The following EXOSC2 variants were observed in gnomAD, a reference collection of about 807,000 sequenced individuals.
EXOSC2 encodes the protein exosome component 2.
A neutral mutation model predicts 37.6 loss-of-function variants in EXOSC2; 29 were observed. The ratio of observed to expected loss-of-function variants is 0.77; its 90% CI spans 0.57 to 1.05. The LOEUF (loss-of-function observed/expected upper bound fraction) is 1.05. Among genes scored for constraint, EXOSC2 ranks in the 50% least tolerant of loss-of-function variants. The pLI is 0.00. For missense variants in EXOSC2, 346 were observed against 365.6 expected, an observed-to-expected ratio of 0.95 and a Z score of 0.44; for synonymous variants, 119 against 131.1, an observed-to-expected ratio of 0.91 and a Z score of 0.63.
Position 130,703,995 on chromosome 9 carries a change from T to C in EXOSC2, c.*221T>C, listed in dbSNP as rs909894688. The C allele has an allele frequency of 7.4e-6, 3 of 403,952 alleles. No homozygotes were observed. The East Asian group carries it at 1.2e-4, about 16-fold the overall frequency. The allele number at this position is 403,952 out of a possible 1,614,324, so 25.0% of individuals were successfully genotyped here. ...CCTTGGGTTGCCAGCTGAGTCCCGG[T>C]ATTAGGGAATAGTTTCAGCTCTTTC... On this transcript the variant is annotated 3_prime_UTR_variant, in exon 9 of 9. Coordinates refer to ENST00000372358, the MANE Select transcript of EXOSC2 (RefSeq NM_014285.7).
At position 130,698,291 on chromosome 9, in the gene EXOSC2, G is replaced by C; in HGVS notation, c.360+40G>C. 1 of 1,585,212 alleles carries C rather than the reference G, an allele frequency of 6.3e-7. No homozygotes were observed. Reference sequence around the variant, plus strand: ...TGGGGCCATGGACTAGGGCCCAGTGGGCTGGGGGGAGCCGTGGGACCCTTT... The same window carrying C: ...TGGGGCCATGGACTAGGGCCCAGTGCGCTGGGGGGAGCCGTGGGACCCTTT... On this transcript the variant is annotated intron_variant, in intron 4 of 8. Transcript: ENST00000372358. This position sits in a 1 kb window ranked among gnomAD's most constrained non-coding sequence, Gnocchi z 4.1.
At chr9:130,699,675 G>A (rs540296224) in intron 5 of EXOSC2, 10 of 419,422 alleles carry the variant, frequency 2.4e-5, no homozygotes, top group South Asian at 9.5e-5. Context: ...AACTTTTAGC[G>A]CAGGGAGTGG....
rs963425075 is a variant in EXOSC2, at chr9:130,693,851, C to A, written c.60C>A (p.Arg20=). Residue 20 remains arginine, a synonymous_variant, in exon 1 of 9, where the codon CGC becomes CGA. Coordinates refer to ENST00000372358, the MANE Select transcript of EXOSC2 (RefSeq NM_014285.7). The part of the protein sequence containing the change: ...ARKPLSERLG[R]DTKKHLVVPG... Reference sequence around the variant, plus strand: ...AGCCTCTTAGCGAGAGACTGGGCCGCGACACTAAGAAACATCTAGTGGTGC... The same window carrying A: ...AGCCTCTTAGCGAGAGACTGGGCCGAGACACTAAGAAACATCTAGTGGTGC... 2.9e-5 allele frequency: 46 copies of A among 1,612,370 alleles called. No individual in the cohort carries two copies. The highest frequency in any genetic ancestry group is 3.8e-5 in the Non-Finnish European group (45 of 1,178,896).
intron 2 of EXOSC2, among the ~76,000 whole-genome samples, chr9:130,697,333 T>C (rs1048367650): frequency 2.0e-5 from 3 of 152,038 alleles, no homozygotes; most frequent in Non-Finnish European, 2.9e-5. Context: ...CAAAATAGGG[T>C]TTTTGGGCTA....
chr9:130,693,882 GA>G lies in EXOSC2; in HGVS notation c.92del (p.Asp31ValfsTer33). ...DTKKHLVVPGDTITTDTGFMR... is the reference protein window; with the variant it reads ...DTKKHLVVPGXTITTDTGFMR... ...TAAGAAACATCTAGTGGTGCCGGGG[GA>G]TACAATCACTACGGACACAGGATTC... is the stretch of plus-strand genomic sequence containing the variant. On this transcript the variant is annotated frameshift_variant, in exon 1 of 9. Transcript: ENST00000372358. LOFTEE classifies it high-confidence loss of function. 1 of 1,611,800 alleles carries G rather than the reference GA, an allele frequency of 6.2e-7. No individual in the cohort carries two copies.
intron 1 of EXOSC2, among the ~76,000 whole-genome samples, chr9:130,695,072 T>A (rs1831063740): frequency 6.6e-6 from 1 of 152,184 alleles, no homozygotes. Context: ...TTTGTGCAGT[T>A]GGGTTATTAT....
rs1162675146 is a variant in EXOSC2, at chr9:130,698,021, T to C, written c.271-141T>C. 4 of 704,574 alleles carry C rather than the reference T, an allele frequency of 5.7e-6. No individual in the cohort carries two copies. The East Asian group carries it at 8.0e-5, about 14-fold the overall frequency. The allele number at this position is 704,574 out of a possible 1,614,324, so 43.6% of individuals were successfully genotyped here. A position where few individuals can be genotyped will look rare whatever the true frequency, so the allele number is the denominator to read the frequency against. ...ATTGGTCAGGCTGGTCTCAAACTCC[T>C]GACCTCAAGTGATCCACCAGCTTCG... On this transcript the variant is annotated intron_variant, in intron 3 of 8. Transcript: ENST00000372358. This position sits in a 1 kb window ranked among gnomAD's most constrained non-coding sequence, Gnocchi z 4.1.
At chr9:130,703,220 T>C in intron 8 of EXOSC2, 39 bp downstream of exon 8, 1 of 1,584,112 alleles carries the variant, frequency 6.3e-7, no homozygotes, top group Non-Finnish European at 8.6e-7. Flanking sequence ...CACTGATCTG[T>C]GAGCTGCTCT....
At chr9:130,699,624 C>T (rs771202136) in intron 5 of EXOSC2, 8 of 558,580 alleles carry the variant, frequency 1.4e-5, no homozygotes, top group Admixed American at 6.2e-5. Flanking sequence ...TTGTAACTTA[C>T]GGTGGCCTGT....
chr9:130,697,101 A>G (rs535357970), intron 2 of EXOSC2, among the ~76,000 whole-genome samples: 35 of 152,310 alleles, frequency 2.3e-4, no homozygotes, highest in Non-Finnish European at 3.8e-4. Flanking sequence ...GAAGAGGTCT[A>G]AGGACTTAGC....
At position 130,693,782 on chromosome 9, in the gene EXOSC2, T is replaced by C. The variant is rs534366756; in HGVS notation, c.-10T>C. 6.2e-7 allele frequency: 1 copy of C among 1,601,456 alleles called. No individual in the cohort carries two copies. The highest frequency in any genetic ancestry group is 2.3e-5 in the East Asian group (1 of 44,316). On this transcript the variant is annotated 5_prime_UTR_variant, in exon 1 of 9. Transcript: ENST00000372358. ...ACTGAGCTGCGCCTGCGCAACTCAT[T>C]GGCGCCAAGATGGCGATGGAGATGA...
Position 130,700,953 on chromosome 9 carries a change from T to G in EXOSC2, c.495+18T>G, listed in dbSNP as rs375645066. ...ATGGAAAAGTAAGTCGGGCTCTTGA[T>G]GTTCCTGTTTGCTGACTGAGACTAC... On this transcript the variant is annotated intron_variant, in intron 6 of 8. Transcript: ENST00000372358. 8.2e-5 allele frequency: 132 copies of G among 1,613,522 alleles called. 2 individuals carry two copies. In the East Asian group the frequency reaches 1.7e-3, roughly 21 times the overall value.
rs201349883 is a variant in EXOSC2 at position 130,702,627 on chromosome 9, C to T, written c.672+317C>T. Among the ~76,000 whole-genome samples, 4 of 152,226 alleles carry T rather than the reference C, an allele frequency of 2.6e-5. No individual in the cohort carries two copies. In the East Asian group the frequency reaches 5.8e-4, roughly 22 times the overall value. ...TGTTTTGTTTTGAGACGGAGTCTTG[C>T]TCTGTCGCCCAGGCTGGAGTGCAGT... is the stretch of plus-strand genomic sequence containing the variant. On this transcript the variant is annotated intron_variant, in intron 7 of 8. Transcript: ENST00000372358.
At chr9:130,700,774 A>G (rs988026997) in intron 5 of EXOSC2, 93 bp from the exon 6 acceptor site, 3 of 1,130,474 alleles carry the variant, frequency 2.7e-6, no homozygotes, top group Non-Finnish European at 4.0e-6. Flanking sequence ...GAGGGGAGGA[A>G]AAGATGGAGG....
chr9:130,701,791 C>A, intron 6 of EXOSC2: 1 of 1,038,886 alleles, frequency 9.6e-7, no homozygotes, highest in Non-Finnish European at 1.2e-6. Context: ...CATGGAACAA[C>A]GCAGTGCTCC....
intron 5 of EXOSC2, among the ~76,000 whole-genome samples, chr9:130,700,177 G>T (rs891400159): frequency 6.6e-6 from 1 of 151,614 alleles, no homozygotes; most frequent in African/African-American, 2.4e-5. Context: ...CGTGCGTCAT[G>T]CCTGGCTAAT....
At chr9:130,697,104 G>A (rs1411173940) in intron 2 of EXOSC2, among the ~76,000 whole-genome samples, 1 of 152,160 alleles carries the variant, frequency 6.6e-6, no homozygotes, top group Non-Finnish European at 1.5e-5. Context: ...GAGGTCTAAG[G>A]ACTTAGCCTC....
chr9:130,703,743 C>T lies in EXOSC2; in HGVS notation c.851C>T (p.Thr284Ile), dbSNP rs1831269162. The change falls in exon 9 of 9, where the codon ACA becomes ATA. Residue 284 changes from threonine (T) to isoleucine (I), a missense_variant. By Grantham distance (89) the Thr-to-Ile change is moderately conservative. Transcript: ENST00000372358. ...PEIMEEIVME[T>I]RQRLLEQEG is the part of the protein sequence containing the mutation. Reference sequence around the variant, plus strand: ...ATAATGGAGGAGATTGTGATGGAAACACGCCAGAGGCTTTTGGAACAGGAG... The same window carrying T: ...ATAATGGAGGAGATTGTGATGGAAATACGCCAGAGGCTTTTGGAACAGGAG... 1 of 1,613,878 alleles carries T rather than the reference C, an allele frequency of 6.2e-7. No homozygotes were observed. The highest frequency in any genetic ancestry group is 8.5e-7 in the Non-Finnish European group (1 of 1,179,884).
intron 6 of EXOSC2, chr9:130,701,605 T>C: frequency 1.0e-6 from 1 of 986,904 alleles, no homozygotes; most frequent in Non-Finnish European, 1.2e-6. Flanking sequence ...TGCTGCAGTA[T>C]GCTGACTTTC....
Sources: gnomAD v4.1 joint callset for allele counts (sites outside exome capture counted in the v4.1 genomes callset) on GRCh38, gnomAD v4.1.1 for gene constraint, Gnocchi (gnomAD v3.1) non-coding constraint, MANE v1.5 for transcripts, NCBI Gene and HGNC (gene_info 2026-07-23, HGNC 2026-07-21) for gene names.